The following MYLK3 variants were observed in gnomAD, a reference collection of about 807,000 sequenced individuals.
The protein encoded by MYLK3 is myosin light chain kinase 3.
Under a neutral mutation model 76.3 loss-of-function variants are expected in MYLK3, and 55 were observed. That is an observed-to-expected ratio of 0.72 (90% confidence interval 0.58 to 0.90). The LOEUF is 0.90. Ranked by LOEUF, MYLK3 falls within the 40% of genes least tolerant of loss-of-function variation. The probability of loss-of-function intolerance (pLI) is 0.00; values close to 1 mark genes in which losing one functional copy is unlikely to be tolerated. For missense variants in MYLK3, 973 were observed against 1,053.6 expected (o/e 0.92, Z 1.06); for synonymous variants, 416 against 425.4 (o/e 0.98, Z 0.27).
chr16:46,735,748 C>T (rs1966865668), intron 3 of MYLK3, among the ~76,000 whole-genome samples: 1 of 152,200 alleles, frequency 6.6e-6, no homozygotes, highest in South Asian at 2.1e-4. Context: ...TAACTCAGGC[C>T]TCCTGCCAGA....
rs1966622638 is a variant in MYLK3, at chr16:46,706,146, T to C, written c.*1558A>G. 1 of 151,994 alleles carries C rather than the reference T, an allele frequency of 6.6e-6. No individual in the cohort carries two copies. Among genetic ancestry groups the C allele is most frequent in the Non-Finnish European group, 1.5e-5 (1 of 68,024 alleles). 9.4% of individuals were successfully genotyped at this position (151,994 alleles called of 1,614,324 possible). ...TGCAGTAGAAAATCTGAGTATAACT[T>C]TTGTCTCCCCAAAAACTTAACTACT... On this transcript the variant is annotated 3_prime_UTR_variant, in exon 13 of 13. Transcript: ENST00000394809.
intron 12 of MYLK3, among the ~76,000 whole-genome samples, chr16:46,708,997 C>T (rs1015609650): frequency 9.2e-5 from 14 of 152,166 alleles, no homozygotes; most frequent in Admixed American, 8.5e-4. Context: ...CATATAAGCA[C>T]AAACCAAATG....
At chr16:46,727,710 A>C (rs1466511240) in intron 7 of MYLK3, among the ~76,000 whole-genome samples, 1 of 152,184 alleles carries the variant, frequency 6.6e-6, no homozygotes, top group Non-Finnish European at 1.5e-5. Context: ...TATTTTTAAT[A>C]GAGACAGGGT....
At chr16:46,708,835 T>C (rs939614485) in intron 12 of MYLK3, among the ~76,000 whole-genome samples, 4 of 152,216 alleles carry the variant, frequency 2.6e-5, no homozygotes, top group Non-Finnish European at 5.9e-5. Context: ...AACAAAATTA[T>C]AAAGTTTTAA....
intron 8 of MYLK3, chr16:46,725,694 A>G (rs1379432789): frequency 6.6e-6 from 1 of 152,188 alleles, no homozygotes; most frequent in Non-Finnish European, 1.5e-5. Context: ...GAATTTTTGC[A>G]TCTATATCCA....
In MYLK3 at chr16:46,739,136, C is replaced by T. The variant is rs749717206; in HGVS notation, c.568+921G>A. Among the ~76,000 whole-genome samples, 41 of 152,002 alleles carry T rather than the reference C, an allele frequency of 2.7e-4. 1 individual carries two copies. The highest frequency in any genetic ancestry group is 1.9e-4 in the East Asian group (1 of 5,182). ...GATTACAGGTGTGAGCCACCGTGCC[C>T]GGCCTCTTATTTTGAAGTAAAAAAA... is the stretch of plus-strand genomic sequence containing the variant. On this transcript the variant is annotated intron_variant, in intron 2 of 12. Transcript: ENST00000394809.
chr16:46,730,391 G>A (rs1012034253), intron 5 of MYLK3, among the ~76,000 whole-genome samples: 11 of 152,192 alleles, frequency 7.2e-5, no homozygotes, highest in East Asian at 1.9e-4. Flanking sequence ...GTGGGCTCTC[G>A]TGTCCTCTCA....
intron 8 of MYLK3, among the ~76,000 whole-genome samples, chr16:46,722,688 A>G (rs536166370): frequency 2.9e-5 from 3 of 104,544 alleles, no homozygotes; most frequent in Non-Finnish European, 5.6e-5. Flanking sequence ...AATAATACTG[A>G]TTTTTACCAT....
rs374009844 is a variant in MYLK3, at chr16:46,730,660, C to T, written c.1501G>A (p.Val501Ile). ...ATGGAGGTCTCCTTGACGCTCACTA[C>T]CCGGTGTTCAAAAGGAGCTGGTGGG... is the stretch of plus-strand genomic sequence containing the variant. Reference protein sequence around the residue: ...PAPPAPFEHRVVSVKETSISA... With the variant: ...PAPPAPFEHRIVSVKETSISA... The change falls in exon 5 of 13, where the codon GTA becomes ATA. Residue 501 changes from valine to isoleucine, a missense_variant. Val to Ile is a conservative substitution (Grantham distance 29). This residue lies in a region of MYLK3 where 332 missense variants were observed against 416.6 expected (regional missense o/e 0.80). Coordinates refer to ENST00000394809, the MANE Select transcript of MYLK3 (RefSeq NM_182493.3). 6.2e-6 allele frequency: 10 copies of T among 1,613,956 alleles called. No homozygotes were observed. In the African/African-American group the frequency reaches 6.7e-5, roughly 11 times the overall value.
intron 9 of MYLK3, 123 bp from the exon 10 acceptor site, chr16:46,712,899 A>C: frequency 1.1e-6 from 1 of 918,492 alleles, no homozygotes; most frequent in Non-Finnish European, 1.5e-6. Flanking sequence ...CCTGGACTCC[A>C]CACCCACATT....
intron 9 of MYLK3, among the ~76,000 whole-genome samples, chr16:46,720,419 C>T (rs1966787751): frequency 6.6e-6 from 1 of 151,982 alleles, no homozygotes; most frequent in Non-Finnish European, 1.5e-5. Flanking sequence ...AGGCTGGTCT[C>T]GAACTCCTGG....
chr16:46,760,571 G>C (rs138031102), intron 1 of MYLK3, among the ~76,000 whole-genome samples: 1 of 152,132 alleles, frequency 6.6e-6, no homozygotes, highest in African/African-American at 2.4e-5. Flanking sequence ...AAGGTGCAGG[G>C]GACATGAGTG....
chr16:46,759,688 C>T (rs1165770118), intron 1 of MYLK3, among the ~76,000 whole-genome samples: 5 of 151,492 alleles, frequency 3.3e-5, no homozygotes, highest in South Asian at 4.2e-4. Context: ...AGTGAAGAGG[C>T]GCGATCTCTG....
chr16:46,729,945 G>A (rs747589169), intron 5 of MYLK3: 33 of 498,172 alleles, frequency 6.6e-5, no homozygotes, highest in South Asian at 2.4e-4. Context: ...TCCTGCACCC[G>A]AAGGAACATC....
intron 7 of MYLK3, among the ~76,000 whole-genome samples, chr16:46,727,778 C>T (rs754728492): frequency 2.6e-5 from 4 of 152,222 alleles, no homozygotes; most frequent in Admixed American, 6.5e-5. Flanking sequence ...CCACCCACCT[C>T]GGCCTCCCGA....
rs1472257006 is a variant in MYLK3 at position 46,705,691 on chromosome 16, A to G, written c.*2013T>C. Reference sequence around the variant, plus strand: ...AAGTATCTAAATATACATGTATACAAGTTCGTAAATGTGTTAGTTGAAGCT... The same window carrying G: ...AAGTATCTAAATATACATGTATACAGGTTCGTAAATGTGTTAGTTGAAGCT... On this transcript the variant is annotated 3_prime_UTR_variant, in exon 13 of 13. Coordinates refer to ENST00000394809, the MANE Select transcript of MYLK3 (RefSeq NM_182493.3). The G allele has an allele frequency of 2.0e-5, 3 of 152,104 alleles. No homozygotes were observed. The highest frequency in any genetic ancestry group is 7.2e-5 in the African/African-American group (3 of 41,422). The allele number at this position is 152,104 out of a possible 1,614,324, so 9.4% of individuals were successfully genotyped here.
In MYLK3 at chr16:46,710,806, G is replaced by A; in HGVS notation, c.2115-17C>T. On this transcript the variant is annotated splice_polypyrimidine_tract_variant and intron_variant, in intron 10 of 12. Transcript: ENST00000394809. ...CCACTGAGTCTATAGAAGAGAGAAA[G>A]GACCATCAGTAGGTGGAGGCCACAT... 1 of 1,613,882 alleles carries A rather than the reference G, an allele frequency of 6.2e-7. No homozygotes were observed. Among genetic ancestry groups the A allele is most frequent in the East Asian group, 2.2e-5 (1 of 44,880 alleles).
At chr16:46,732,946 C>T (rs1049755451) in intron 3 of MYLK3, among the ~76,000 whole-genome samples, 4 of 152,198 alleles carry the variant, frequency 2.6e-5, no homozygotes, top group African/African-American at 4.8e-5. Flanking sequence ...GGCCTGTAGG[C>T]GGGAGGCCCG....
chr16:46,710,755 C>A lies in MYLK3; in HGVS notation c.2149G>T (p.Asp717Tyr), dbSNP rs761468758. The A allele has an allele frequency of 6.2e-7, 1 of 1,614,112 alleles. No individual in the cohort carries two copies. The highest frequency in any genetic ancestry group is 8.5e-7 in the Non-Finnish European group (1 of 1,180,028). The change falls in exon 11 of 13, where the codon GAT becomes TAT. Residue 717 changes from aspartate (D) to tyrosine (Y), a missense_variant. Coordinates refer to ENST00000394809, the MANE Select transcript of MYLK3 (RefSeq NM_182493.3). ...ACAATGAAATTCATGGTCTCTGCATCTGTTTCCCCTAGAAATGGGGACAAG... is the reference window on the plus strand; with the variant it reads ...ACAATGAAATTCATGGTCTCTGCATATGTTTCCCCTAGAAATGGGGACAAG... ...SGLSPFLGET[D>Y]AETMNFIVNC...
Sources: allele counts gnomAD v4.1 joint callset (sites outside exome capture counted in the v4.1 genomes callset), GRCh38; gene constraint gnomAD v4.1.1; regional missense constraint gnomAD v4.1.1; transcripts MANE v1.5; gene names NCBI Gene and HGNC (gene_info 2026-07-23, HGNC 2026-07-21).